Variants in THSD4 observed in about 807,000 individuals in gnomAD.
The protein encoded by THSD4 is thrombospondin type 1 domain containing 4.
Under a neutral mutation model 119.0 loss-of-function variants are expected in THSD4, and 69 were observed. The observed-to-expected ratio is 0.58, with a 90% CI of 0.48 to 0.71. The LOEUF is 0.71. Among genes scored for constraint, THSD4 ranks in the 30% least tolerant of loss-of-function variants. The pLI is 0.00. For missense variants in THSD4, 1,393 were observed against 1,391.1 expected, an observed-to-expected ratio of 1.00 and a Z score of -0.02; for synonymous variants, 524 against 540.4, an observed-to-expected ratio of 0.97 and a Z score of 0.42.
chr15:71,168,849 A>G (rs914990858), intron 3 of THSD4, among the ~76,000 whole-genome samples: 1 of 152,234 alleles, frequency 6.6e-6, no homozygotes, highest in African/African-American at 2.4e-5. Context: ...GAAGAAAGGA[A>G]AAAACAGTAA....
chr15:71,390,873 T>C (rs1354379436), intron 6 of THSD4, among the ~76,000 whole-genome samples: 1 of 142,848 alleles, frequency 7.0e-6, no homozygotes, highest in Non-Finnish European at 1.5e-5. Context: ...TTTTTTTTTT[T>C]TGTACAGAGA....
intron 7 of THSD4, among the ~76,000 whole-genome samples, chr15:71,637,784 G>A (rs35473867): frequency 2.2e-4 from 33 of 151,594 alleles, no homozygotes; most frequent in Non-Finnish European, 4.6e-4. Context: ...GGAGTGCAAT[G>A]GTGTGACCTC....
chr15:71,303,014 C>T (rs528532894), intron 6 of THSD4, among the ~76,000 whole-genome samples: 3 of 152,126 alleles, frequency 2.0e-5, no homozygotes, highest in Non-Finnish European at 2.9e-5. Flanking sequence ...CCTGCCCACC[C>T]GATACGAGGT....
intron 8 of THSD4, among the ~76,000 whole-genome samples, chr15:71,722,219 G>T (rs977737359): frequency 9.2e-5 from 14 of 152,146 alleles, no homozygotes. Context: ...GATATGCAAG[G>T]CCAGATGGGG....
rs372209662 is a variant in THSD4 at position 71,459,160 on chromosome 15, C to CTTT, written c.1152+47353_1152+47355dup. Among the ~76,000 whole-genome samples, 131 of 128,864 alleles carry CTTT rather than the reference C, an allele frequency of 1.0e-3. 1 individual carries two copies. Among genetic ancestry groups the CTTT allele is most frequent in the African/African-American group, 2.9e-3 (100 of 34,628 alleles). The allele number at this position is 128,864 out of a possible 152,430, so 84.5% of individuals were successfully genotyped here. A position where few individuals can be genotyped will look rare whatever the true frequency, so the allele number is the denominator to read the frequency against. ...CTTTTCTTTTTCATTTTCTTTTTTT[C>CTTT]TTTTTTTTTTTTTTTTTTGACAGAG... is the stretch of plus-strand genomic sequence containing the variant. On this transcript the variant is annotated intron_variant, in intron 7 of 17. Transcript: ENST00000261862.
chr15:71,293,327 A>C (rs1002801783), intron 6 of THSD4, among the ~76,000 whole-genome samples: 6 of 152,214 alleles, frequency 3.9e-5, no homozygotes, highest in African/African-American at 1.4e-4. Flanking sequence ...AGAACCCTTG[A>C]ATCTCCTGCC....
At position 71,312,763 on chromosome 15, in the gene THSD4, C is replaced by G. The variant is rs868267917; in HGVS notation, c.1015+56048C>G. Among the ~76,000 whole-genome samples, 15 of 152,236 alleles carry G rather than the reference C, an allele frequency of 9.9e-5. 1 individual carries two copies. In the South Asian group the frequency reaches 2.5e-3, roughly 25 times the overall value. ...CCCACTCCCCACTTCCCCACCACCC[C>G]ACAGGACCTTTGCACTTGCTCTTTG... is the stretch of plus-strand genomic sequence containing the variant. On this transcript the variant is annotated intron_variant, in intron 6 of 17. Coordinates refer to ENST00000261862, the MANE Select transcript of THSD4 (RefSeq NM_024817.3).
intron 7 of THSD4, among the ~76,000 whole-genome samples, chr15:71,509,244 C>T (rs1053256159): frequency 3.9e-5 from 6 of 152,172 alleles, no homozygotes; most frequent in Non-Finnish European, 7.3e-5. Flanking sequence ...GAATGCAGTG[C>T]ATTCCCAAGC....
chr15:71,298,215 G>C (rs2044892352), intron 6 of THSD4, among the ~76,000 whole-genome samples: 1 of 152,102 alleles, frequency 6.6e-6, no homozygotes, highest in Non-Finnish European at 1.5e-5. Context: ...CCTTTGAATG[G>C]TCTTGGTACC....
chr15:71,118,894 C>A (rs577798880), intron 1 of THSD4, among the ~76,000 whole-genome samples: 1 of 152,334 alleles, frequency 6.6e-6, no homozygotes, highest in African/African-American at 2.4e-5. Context: ...CAATTTTACT[C>A]CTCCTCCGCA....
intron 7 of THSD4, among the ~76,000 whole-genome samples, chr15:71,554,746 G>A (rs1477867023): frequency 6.7e-6 from 1 of 150,036 alleles, no homozygotes; most frequent in African/African-American, 2.5e-5. Context: ...TTTTTTGAAG[G>A]TTTATTGAAC....
At chr15:71,387,409 A>T (rs971972061) in intron 6 of THSD4, among the ~76,000 whole-genome samples, 3 of 152,184 alleles carry the variant, frequency 2.0e-5, no homozygotes, top group African/African-American at 7.2e-5. Context: ...CTTGAGATTT[A>T]AAGGGTATCA....
At chr15:71,477,811 CCTT>C (rs1257582730) in intron 7 of THSD4, among the ~76,000 whole-genome samples, 6 of 152,322 alleles carry the variant, frequency 3.9e-5, no homozygotes, top group Non-Finnish European at 8.8e-5. Flanking sequence ...ACCTGCTTCT[CCTT>C]CTGTGATTCC....
intron 14 of THSD4, among the ~76,000 whole-genome samples, chr15:71,750,743 T>TG (rs1239596442): frequency 3.3e-5 from 5 of 152,180 alleles, no homozygotes; most frequent in African/African-American, 4.8e-5. Flanking sequence ...GAGAAACAGA[T>TG]GGAGAGTAAG....
At chr15:71,639,846 AAAAAG>A (rs1276375417) in intron 7 of THSD4, among the ~76,000 whole-genome samples, 5 of 150,088 alleles carry the variant, frequency 3.3e-5, no homozygotes, top group African/African-American at 9.8e-5. Flanking sequence ...CAAAAAAAAA[AAAAAG>A]AAAAGAAAAG....
chr15:71,749,736 T>TA (rs2053412747), intron 14 of THSD4, among the ~76,000 whole-genome samples: 2 of 151,162 alleles, frequency 1.3e-5, no homozygotes, highest in East Asian at 1.9e-4. Context: ...TTTATTTATT[T>TA]TGAGACCGGG....
chr15:71,741,977 T>G (rs1310429076), intron 11 of THSD4, among the ~76,000 whole-genome samples: 2 of 152,154 alleles, frequency 1.3e-5, no homozygotes, highest in Non-Finnish European at 2.9e-5. Flanking sequence ...GCACCAGACA[T>G]GCAGGGTAGG....
intron 7 of THSD4, chr15:71,547,642 G>A: frequency 1.3e-6 from 1 of 799,088 alleles, no homozygotes; most frequent in Non-Finnish European, 1.8e-6. Flanking sequence ...CTTATATGAA[G>A]ACTTCTTTTC....
chr15:71,717,178 T>C lies in THSD4; in HGVS notation c.1358-11371T>C, dbSNP rs1351848439. Among the ~76,000 whole-genome samples the C allele has an allele frequency of 5.9e-5, 9 of 152,308 alleles. No individual in the cohort carries two copies. The South Asian group carries it at 1.5e-3, about 25-fold the overall frequency. On this transcript the variant is annotated intron_variant, in intron 8 of 17. Coordinates refer to ENST00000261862, the MANE Select transcript of THSD4 (RefSeq NM_024817.3). The stretch of plus-strand genomic sequence containing the variant: ...TTTGTAACAAATACCTAATGAGTCA[T>C]CACTAAACACTAGCTCTTTACTGAC...
Sources: allele counts gnomAD v4.1 joint callset (sites outside exome capture counted in the v4.1 genomes callset), GRCh38; gene constraint gnomAD v4.1.1; transcripts MANE v1.5; gene names NCBI Gene and HGNC (gene_info 2026-07-23, HGNC 2026-07-21).